The following FAM13A variants were observed in gnomAD, a reference collection of about 807,000 sequenced individuals.
The protein encoded by FAM13A is family with sequence similarity 13 member A.
Under a neutral mutation model 129.6 loss-of-function variants are expected in FAM13A, and 76 were observed. The observed-to-expected ratio is 0.59, with a 90% CI of 0.49 to 0.71. The LOEUF is 0.71. Among genes scored for constraint, FAM13A ranks in the 30% least tolerant of loss-of-function variants. The probability of loss-of-function intolerance (pLI) is 0.00; values close to 1 mark genes in which losing one functional copy is unlikely to be tolerated. For synonymous variants in FAM13A, 443 were observed against 449.9 expected (o/e 0.98, Z 0.20); for missense variants, 1,108 against 1,249.3 (o/e 0.89, Z 1.70).
At chr4:89,028,867 C>T (rs1768334986) in intron 2 of FAM13A, among the ~76,000 whole-genome samples, 2 of 151,676 alleles carry the variant, frequency 1.3e-5, no homozygotes, top group South Asian at 4.2e-4. Context: ...AAGCTGTGGG[C>T]TTCACAGCTC....
intron 4 of FAM13A, among the ~76,000 whole-genome samples, chr4:88,968,464 C>G (rs969366017): frequency 6.6e-6 from 1 of 152,014 alleles, no homozygotes; most frequent in Non-Finnish European, 1.5e-5. Context: ...TCGCTATGAC[C>G]GAGAATCAGG....
At chr4:88,761,268 C>A (rs1229350101) in intron 13 of FAM13A, among the ~76,000 whole-genome samples, 1 of 152,118 alleles carries the variant, frequency 6.6e-6, no homozygotes, top group Non-Finnish European at 1.5e-5. Context: ...CAAATGGAAG[C>A]CATCATTCTT....
At chr4:88,993,783 C>A (rs1288997560) in intron 3 of FAM13A, among the ~76,000 whole-genome samples, 1 of 151,910 alleles carries the variant, frequency 6.6e-6, no homozygotes, top group Non-Finnish European at 1.5e-5. Flanking sequence ...GGCAGATCAC[C>A]AGGTCAGGAG....
chr4:88,918,204 GA>G (rs901363561), intron 5 of FAM13A, among the ~76,000 whole-genome samples: 4 of 152,292 alleles, frequency 2.6e-5, no homozygotes, highest in African/African-American at 9.6e-5. Context: ...GGGCACTCGA[GA>G]AAATTTTGAA....
intron 5 of FAM13A, among the ~76,000 whole-genome samples, chr4:88,928,752 TC>T (rs1307501371): frequency 1.3e-5 from 2 of 152,258 alleles, no homozygotes; most frequent in East Asian, 3.9e-4. Flanking sequence ...TTCTTTTTAA[TC>T]CAGTCTGCCA....
chr4:88,737,860 C>G (rs549534780), intron 20 of FAM13A, among the ~76,000 whole-genome samples: 23 of 152,160 alleles, frequency 1.5e-4, no homozygotes, highest in Non-Finnish European at 2.4e-4. Flanking sequence ...GCTGCCCCTG[C>G]CAATCACAGT....
intron 4 of FAM13A, among the ~76,000 whole-genome samples, chr4:88,945,218 T>C (rs919582833): frequency 6.6e-6 from 1 of 152,196 alleles, no homozygotes; most frequent in Non-Finnish European, 1.5e-5. Context: ...ATTCTTCCAG[T>C]TTCCTCCAAA....
chr4:88,888,078 G>T lies in FAM13A; in HGVS notation c.843+18301C>A, dbSNP rs553786105. On this transcript the variant is annotated intron_variant, in intron 6 of 23. Transcript: ENST00000264344. ...TCAACCTTCTACCCATTATAGACTG[G>T]TCTATCAACTCTGCTCAAAGCATAT... Among the ~76,000 whole-genome samples, 22 of 152,052 alleles carry T rather than the reference G, an allele frequency of 1.4e-4. No homozygotes were observed. The South Asian group carries it at 4.6e-3, about 32-fold the overall frequency.
chr4:89,043,585 C>G (rs1770448248), intron 1 of FAM13A, among the ~76,000 whole-genome samples: 1 of 152,044 alleles, frequency 6.6e-6, no homozygotes, highest in Non-Finnish European at 1.5e-5. Flanking sequence ...TATATAGAAA[C>G]AGTATTTTTT....
intron 10 of FAM13A, among the ~76,000 whole-genome samples, chr4:88,783,672 C>T (rs1026639147): frequency 6.6e-6 from 1 of 152,078 alleles, no homozygotes; most frequent in Non-Finnish European, 1.5e-5. Flanking sequence ...ATTTTGAAGT[C>T]CTAACCCCCA....
At chr4:89,050,764 C>A (rs992447610) in intron 1 of FAM13A, among the ~76,000 whole-genome samples, 6 of 151,794 alleles carry the variant, frequency 4.0e-5, no homozygotes, top group African/African-American at 1.5e-4. Context: ...CCTGTCTCTA[C>A]TAAAAATACA....
At chr4:88,760,825 G>T (rs1051535946) in intron 13 of FAM13A, among the ~76,000 whole-genome samples, 9 of 151,764 alleles carry the variant, frequency 5.9e-5, no homozygotes, top group African/African-American at 2.2e-4. Flanking sequence ...TACCAATCAT[G>T]AGTGTGCCTG....
intron 6 of FAM13A, among the ~76,000 whole-genome samples, chr4:88,893,602 G>A (rs921683526): frequency 4.0e-5 from 6 of 149,552 alleles, no homozygotes; most frequent in South Asian, 2.1e-4. Context: ...CAGCCTGGGC[G>A]ACAGAGCCAG....
chr4:89,040,515 A>G (rs753901697), intron 1 of FAM13A, among the ~76,000 whole-genome samples: 1 of 152,206 alleles, frequency 6.6e-6, no homozygotes. Context: ...GAGGATTACT[A>G]TTTTATAGAG....
Position 88,906,359 on chromosome 4 carries a change from A to T in FAM13A, c.843+20T>A. The T allele has an allele frequency of 6.7e-7, 1 of 1,501,422 alleles. No homozygotes were observed. Among genetic ancestry groups the T allele is most frequent in the South Asian group, 1.2e-5 (1 of 86,802 alleles). 93.0% of individuals were successfully genotyped at this position (1,501,422 alleles called of 1,614,324 possible). A position where few individuals can be genotyped will look rare whatever the true frequency, so the allele number is the denominator to read the frequency against. ...TGCTAAAGATTTCACATGGTCGCCT[A>T]CAGAGAAAACATAGTTTACCTTGGT... On this transcript the variant is annotated intron_variant, in intron 6 of 23. Transcript: ENST00000264344.
intron 1 of FAM13A, among the ~76,000 whole-genome samples, chr4:89,054,880 G>A (rs1254115896): frequency 6.6e-6 from 1 of 151,992 alleles, no homozygotes; most frequent in African/African-American, 2.4e-5. Context: ...GCTGTCCCAG[G>A]CCATGCTCTT....
intron 6 of FAM13A, among the ~76,000 whole-genome samples, chr4:88,877,734 C>T (rs1034194090): frequency 2.0e-5 from 3 of 152,190 alleles, no homozygotes; most frequent in East Asian, 3.8e-4. Context: ...TCTTTAGTAG[C>T]TCCCCATTGT....
At position 88,727,770 on chromosome 4, in the gene FAM13A, C is replaced by CTCCCATGACCTGGTT. The variant is rs1736726049; in HGVS notation, c.*748_*762dup. 1 of 152,272 alleles carries CTCCCATGACCTGGTT rather than the reference C, an allele frequency of 6.6e-6. No individual in the cohort carries two copies. The highest frequency in any genetic ancestry group is 2.1e-4 in the South Asian group (1 of 4,834). The allele number at this position is 152,272 out of a possible 1,614,324, so 9.4% of individuals were successfully genotyped here. A position where few individuals can be genotyped will look rare whatever the true frequency, so the allele number is the denominator to read the frequency against. On this transcript the variant is annotated 3_prime_UTR_variant, in exon 24 of 24. Coordinates refer to ENST00000264344, the MANE Select transcript of FAM13A (RefSeq NM_014883.4). ...TTCAGGAAAGAATCTCCAGGCTCTT[C>CTCCCATGACCTGGTT]TCCCATGACCTGGTTTTAAAATCAG...
intron 1 of FAM13A, among the ~76,000 whole-genome samples, chr4:89,046,024 C>CAAAAAAAAAAAAAAAAGAAAAA (rs34619235): frequency 9.7e-6 from 1 of 103,476 alleles, no homozygotes; most frequent in Non-Finnish European, 2.0e-5. Context: ...AACTCCATCT[C>CAAAAAAAAAAAAAAAAGAAAAA]AAAAAAAAAA....
Sources: allele counts gnomAD v4.1 joint callset (sites outside exome capture counted in the v4.1 genomes callset), GRCh38; gene constraint gnomAD v4.1.1; transcripts MANE v1.5; gene names NCBI Gene and HGNC (gene_info 2026-07-23, HGNC 2026-07-21).